Variants in SLC12A1 observed in about 807,000 individuals in gnomAD.
SLC12A1 encodes the protein solute carrier family 12 member 1.
In SLC12A1, 89 loss-of-function variants were observed where a neutral mutation model predicts 130.4. That is an observed-to-expected ratio of 0.68 (90% CI 0.58 to 0.81). SLC12A1 has a LOEUF of 0.81. Among genes scored for constraint, SLC12A1 ranks in the 40% least tolerant of loss-of-function variants. The pLI is 0.00. For missense variants in SLC12A1, 1,310 were observed against 1,336.4 expected (o/e 0.98, Z 0.31); for synonymous variants, 499 against 460.0 (o/e 1.08, Z -1.09).
intron 15 of SLC12A1, among the ~76,000 whole-genome samples, chr15:48,255,167 C>T (rs184737340): frequency 1.1e-4 from 16 of 152,186 alleles, no homozygotes; most frequent in African/African-American, 2.9e-4. Context: ...GGGCCAGGCG[C>T]GGTGGCTCAC....
intron 14 of SLC12A1, among the ~76,000 whole-genome samples, chr15:48,250,707 C>CACACACACACACACACACACAT (rs1555383567): frequency 6.6e-6 from 1 of 151,058 alleles, no homozygotes; most frequent in African/African-American, 2.4e-5. Flanking sequence ...CACACACACA[C>CACACACACACACACACACACAT]GGACGGGAAG....
At chr15:48,224,980 T>C (rs1336801637) in intron 4 of SLC12A1, 30 of 152,306 alleles carry the variant, frequency 2.0e-4, no homozygotes, top group Admixed American at 2.0e-3. Context: ...TTGTGTCTTG[T>C]GTTTCTTACA....
intron 25 of SLC12A1, among the ~76,000 whole-genome samples, chr15:48,300,162 C>A (rs937485906): frequency 5.3e-5 from 8 of 151,866 alleles, no homozygotes; most frequent in Non-Finnish European, 1.2e-4. Context: ...CAAAACCCCA[C>A]CTCTACAAAA....
At chr15:48,267,490 T>G in intron 17 of SLC12A1, 71 bp from the exon 18 acceptor site, 1 of 1,549,214 alleles carries the variant, frequency 6.5e-7, no homozygotes, top group Admixed American at 1.8e-5. Context: ...GCTATTTTTG[T>G]CCTTTAGAAA....
Position 48,207,563 on chromosome 15 carries a change from G to T in SLC12A1, c.-157G>T. The T allele has an allele frequency of 2.0e-6, 1 of 506,264 alleles. No homozygotes were observed. The allele number at this position is 506,264 out of a possible 1,614,324, so 31.4% of individuals were successfully genotyped here. On this transcript the variant is annotated 5_prime_UTR_variant, in exon 2 of 27. Transcript: ENST00000380993. The stretch of plus-strand genomic sequence containing the variant: ...GAAGAACATCCTGAAGATTATATCG[G>T]AGACAATATATCAAGAATCTATTTA...
At chr15:48,230,586 A>G (rs112686448) in intron 7 of SLC12A1, 83 bp downstream of exon 7, 20 of 846,140 alleles carry the variant, frequency 2.4e-5, no homozygotes, top group African/African-American at 2.0e-4. Context: ...CTCCATATTC[A>G]AAAGGAATTG....
At chr15:48,278,306 A>G (rs1261817935) in intron 20 of SLC12A1, among the ~76,000 whole-genome samples, 1 of 152,236 alleles carries the variant, frequency 6.6e-6, no homozygotes, top group Non-Finnish European at 1.5e-5. Context: ...TTGTTCACAC[A>G]TAGCATTTAT....
intron 2 of SLC12A1, among the ~76,000 whole-genome samples, chr15:48,215,336 T>G (rs2041108284): frequency 6.6e-6 from 1 of 152,224 alleles, no homozygotes; most frequent in African/African-American, 2.4e-5. Flanking sequence ...CTTCCTTTCT[T>G]TTCATTTTTT....
chr15:48,282,211 T>G (rs1308718493), intron 20 of SLC12A1, among the ~76,000 whole-genome samples: 1 of 152,180 alleles, frequency 6.6e-6, no homozygotes, highest in East Asian at 1.9e-4. Flanking sequence ...ATAAATACTC[T>G]CTGTAATCTT....
At chr15:48,242,065 G>A (rs1201479509) in intron 10 of SLC12A1, among the ~76,000 whole-genome samples, 1 of 152,180 alleles carries the variant, frequency 6.6e-6, no homozygotes, top group South Asian at 2.1e-4. Flanking sequence ...TCCTTAATAT[G>A]GAAATGTCAC....
chr15:48,246,884 C>T (rs1305763455), intron 11 of SLC12A1, 25 bp from the exon 12 acceptor site: 16 of 1,509,038 alleles, frequency 1.1e-5, no homozygotes, highest in Non-Finnish European at 1.5e-5. Flanking sequence ...CAGAAAGTCT[C>T]CTTACTTGTA....
chr15:48,212,713 T>C (rs1029877820), intron 2 of SLC12A1, among the ~76,000 whole-genome samples: 1 of 152,194 alleles, frequency 6.6e-6, no homozygotes, highest in African/African-American at 2.4e-5. Flanking sequence ...ATAGACTTTC[T>C]ATCGAAGCCA....
intron 17 of SLC12A1, 63 bp from the exon 18 acceptor site, chr15:48,267,497 GA>G: frequency 6.3e-7 from 1 of 1,574,888 alleles, no homozygotes; most frequent in Non-Finnish European, 8.7e-7. Context: ...TTGTCCTTTA[GA>G]AAACAACAGC....
chr15:48,239,670 A>T (rs1454124637), intron 9 of SLC12A1, among the ~76,000 whole-genome samples: 2 of 151,946 alleles, frequency 1.3e-5, no homozygotes, highest in Non-Finnish European at 2.9e-5. Flanking sequence ...GTTTGTTTTG[A>T]GACAGTGTCT....
chr15:48,255,872 G>A lies in SLC12A1; in HGVS notation c.2004G>A (p.Leu668=). The change falls in exon 16 of 27, where the codon CTG becomes CTA. Residue 668 remains leucine (L), a synonymous_variant. Coordinates refer to ENST00000380993, the MANE Select transcript of SLC12A1 (RefSeq NM_000338.3). ...LSYVSALDNA[L]ELTTVEDHVK... is the part of the protein sequence containing the mutation. ...ACGTGAGTGCTTTAGACAATGCTCT[G>A]GAATTAACCACAGTGGAAGACCACG... 1 of 1,605,656 alleles carries A rather than the reference G, an allele frequency of 6.2e-7. No individual in the cohort carries two copies. Among genetic ancestry groups the A allele is most frequent in the Non-Finnish European group, 8.5e-7 (1 of 1,175,952 alleles).
intron 24 of SLC12A1, among the ~76,000 whole-genome samples, chr15:48,294,045 A>T (rs1349168856): frequency 2.6e-5 from 4 of 151,484 alleles, no homozygotes; most frequent in Non-Finnish European, 4.4e-5. Flanking sequence ...TCTCAAAAAA[A>T]AAAAAAGAAA....
chr15:48,224,959 T>A (rs972110707), intron 4 of SLC12A1: 1 of 152,200 alleles, frequency 6.6e-6, no homozygotes, highest in African/African-American at 2.4e-5. Context: ...GCTTTTTAAA[T>A]TTCATTTTAT....
intron 21 of SLC12A1, 119 bp from the exon 22 acceptor site, chr15:48,287,924 A>T: frequency 9.4e-7 from 1 of 1,068,446 alleles, no homozygotes; most frequent in Non-Finnish European, 1.3e-6. Flanking sequence ...TATTTATTTT[A>T]GGTATAATAA....
In SLC12A1 at chr15:48,241,543, C is replaced by A; in HGVS notation, c.1244C>A (p.Thr415Asn). 6.2e-7 allele frequency: 1 copy of A among 1,613,792 alleles called. No homozygotes were observed. The highest frequency in any genetic ancestry group is 1.1e-5 in the South Asian group (1 of 91,076). ...CCCCAAGATGCCATCCCCAGAGGAA[C>A]CATGCTGGCCATTTTCATCACCACT... ...EDPQDAIPRG[T>N]MLAIFITTVA... The change falls in exon 10 of 27, where the codon ACC (threonine) becomes AAC (asparagine). Residue 415 changes from threonine (T) to asparagine (N), a missense_variant. Thr to Asn is a moderately conservative substitution (Grantham distance 65). Coordinates refer to ENST00000380993, the MANE Select transcript of SLC12A1 (RefSeq NM_000338.3).
Sources: allele counts gnomAD v4.1 joint callset (sites outside exome capture counted in the v4.1 genomes callset), GRCh38; gene constraint gnomAD v4.1.1; transcripts MANE v1.5; gene names NCBI Gene and HGNC (gene_info 2026-07-23, HGNC 2026-07-21).